The following ANOS1 variants were observed in gnomAD, a reference collection of about 807,000 sequenced individuals.
ANOS1 encodes the protein anosmin 1.
In ANOS1, 6 loss-of-function variants were observed where a neutral mutation model predicts 59.0. The observed-to-expected ratio is 0.10, with a 90% CI of 0.06 to 0.20. The LOEUF (loss-of-function observed/expected upper bound fraction) is 0.20. ANOS1 is among the 10% of genes least tolerant of loss of function. The pLI is 1.00. For synonymous variants in ANOS1, 217 were observed against 223.4 expected (o/e 0.97, Z 0.25); for missense variants, 433 against 542.3 (o/e 0.80, Z 2.00).
chrX:8,670,765 T>C (rs777028236), intron 2 of ANOS1, among the ~76,000 whole-genome samples: 4 of 111,680 alleles, frequency 3.6e-5, no homozygotes, highest in African/African-American at 1.3e-4. Context: ...CTTAAACTTA[T>C]TATGCCCAAA....
intron 3 of ANOS1, among the ~76,000 whole-genome samples, chrX:8,619,339 C>T (rs1011087711): frequency 2.7e-5 from 3 of 111,728 alleles, no homozygotes; most frequent in African/African-American, 9.8e-5. Flanking sequence ...GGCAAGGTGG[C>T]TCACGCCTGT....
At chrX:8,725,567 TATAC>T (rs1170363445) in intron 1 of ANOS1, among the ~76,000 whole-genome samples, 1 of 70,845 alleles carries the variant, frequency 1.4e-5, no homozygotes, top group African/African-American at 5.5e-5. Context: ...TATATACAGA[TATAC>T]ATATATACAG....
intron 9 of ANOS1, among the ~76,000 whole-genome samples, chrX:8,545,834 T>C (rs1929764665): frequency 8.9e-6 from 1 of 112,382 alleles, no homozygotes; most frequent in Non-Finnish European, 1.9e-5. Flanking sequence ...CTGTTTATGA[T>C]TGAGTTTTGA....
intron 4 of ANOS1, among the ~76,000 whole-genome samples, chrX:8,593,232 T>C (rs1328969077): frequency 9.0e-6 from 1 of 111,622 alleles, no homozygotes; most frequent in African/African-American, 3.3e-5. Flanking sequence ...TACTGGACCA[T>C]GTGGGGGGTT....
chrX:8,610,398 G>T (rs924926628), intron 3 of ANOS1, among the ~76,000 whole-genome samples: 1 of 111,882 alleles, frequency 8.9e-6, no homozygotes, highest in Non-Finnish European at 1.9e-5. Context: ...AATCCACAGT[G>T]CAAGGAAGGC....
intron 4 of ANOS1, among the ~76,000 whole-genome samples, chrX:8,589,542 T>C (rs1930579692): frequency 8.9e-6 from 1 of 112,277 alleles, no homozygotes; most frequent in South Asian, 3.7e-4. Context: ...GAGATGGTTT[T>C]GATAGATATG....
intron 8 of ANOS1, among the ~76,000 whole-genome samples, chrX:8,560,395 G>A (rs1402124107): frequency 8.9e-6 from 1 of 112,124 alleles, no homozygotes; most frequent in African/African-American, 3.2e-5. Context: ...TAAATGGCCA[G>A]ATAGTAAATA....
chrX:8,675,709 T>G (rs753819414), intron 2 of ANOS1, among the ~76,000 whole-genome samples: 1 of 110,282 alleles, frequency 9.1e-6, no homozygotes, highest in East Asian at 2.8e-4. Context: ...GTTTTTATTT[T>G]TATTCTAAGT....
At chrX:8,543,225 C>T (rs1929714976) in intron 9 of ANOS1, among the ~76,000 whole-genome samples, 1 of 110,117 alleles carries the variant, frequency 9.1e-6, no homozygotes, top group Non-Finnish European at 1.9e-5. Context: ...AAAATAATTC[C>T]TTATAATCTA....
intron 1 of ANOS1, among the ~76,000 whole-genome samples, chrX:8,726,226 C>G (rs773293329): frequency 9.0e-6 from 1 of 111,347 alleles, no homozygotes; most frequent in Admixed American, 9.6e-5. Flanking sequence ...GGCTGGCCCT[C>G]TAAGTGGAAT....
At chrX:8,644,841 G>A (rs1180953646) in intron 2 of ANOS1, among the ~76,000 whole-genome samples, 2 of 112,628 alleles carry the variant, frequency 1.8e-5, no homozygotes, top group Non-Finnish European at 3.7e-5. Flanking sequence ...TGACCTGGAA[G>A]CCCTCTGCTT....
intron 9 of ANOS1, among the ~76,000 whole-genome samples, chrX:8,550,985 T>C (rs1456141490): frequency 2.7e-5 from 3 of 111,456 alleles, no homozygotes; most frequent in Non-Finnish European, 3.8e-5. Context: ...GTTCTCATGA[T>C]AGTGAGTAAG....
intron 8 of ANOS1, among the ~76,000 whole-genome samples, chrX:8,555,610 A>G (rs2146798124): frequency 8.9e-6 from 1 of 112,276 alleles, no homozygotes; most frequent in African/African-American, 3.2e-5. Context: ...ACCTCTATGC[A>G]AATAAACTAG....
rs753934357 is a variant in ANOS1, at chrX:8,658,753, G to T, written c.256-35083C>A. 2.7e-5 allele frequency among the ~76,000 whole-genome samples: 3 copies of T among 111,662 alleles called. No homozygotes were observed. In the East Asian group the frequency reaches 8.4e-4, roughly 31 times the overall value. On this transcript the variant is annotated intron_variant, in intron 2 of 13. Coordinates refer to ENST00000262648, the MANE Select transcript of ANOS1 (RefSeq NM_000216.4). Reference sequence around the variant, plus strand: ...TACCTCTTCTGCTCTCACTTTGCAGGTAAAGAGGCATGCACCAGAATGCTG... The same window carrying T: ...TACCTCTTCTGCTCTCACTTTGCAGTTAAAGAGGCATGCACCAGAATGCTG...
intron 2 of ANOS1, among the ~76,000 whole-genome samples, chrX:8,688,791 G>T (rs1379118530): frequency 2.7e-5 from 3 of 112,145 alleles, no homozygotes; most frequent in African/African-American, 9.7e-5. Context: ...AGGAAGCTTT[G>T]CATGTTCTTT....
chrX:8,672,157 CATGCACAT>C (rs1348389821), intron 2 of ANOS1, among the ~76,000 whole-genome samples: 11 of 108,426 alleles, frequency 1.0e-4, no homozygotes, highest in African/African-American at 3.9e-4. Flanking sequence ...CATATACACA[CATGCACAT>C]ACACACACAC....
chrX:8,730,259 C>T (rs757493591), intron 1 of ANOS1, among the ~76,000 whole-genome samples: 3 of 112,385 alleles, frequency 2.7e-5, no homozygotes, highest in Non-Finnish European at 5.6e-5. Context: ...GGGTAGGACT[C>T]GGAGGGCTGG....
rs1163108965 is a variant in ANOS1 at position 8,732,031 on chromosome X, C to T, written c.6G>A (p.Val2=). 5 of 986,677 alleles carry T rather than the reference C, an allele frequency of 5.1e-6. No homozygotes were observed. Among genetic ancestry groups the T allele is most frequent in the Non-Finnish European group, 6.4e-6 (5 of 785,070 alleles). 81.3% of individuals were successfully genotyped at this position (986,677 alleles called of 1,213,427 possible). The change falls in exon 1 of 14, where the codon GTG becomes GTA. Residue 2 remains valine (V), a synonymous_variant. Coordinates refer to ENST00000262648, the MANE Select transcript of ANOS1 (RefSeq NM_000216.4). M[V]PGVPGAVLTL... ...TCAGGACCGCGCCGGGCACCCCGGGCACCATGGCTGCGGGTCGAGGGCGAG... is the reference window on the plus strand; with the variant it reads ...TCAGGACCGCGCCGGGCACCCCGGGTACCATGGCTGCGGGTCGAGGGCGAG...
chrX:8,586,159 T>C (rs1302167361), intron 5 of ANOS1, among the ~76,000 whole-genome samples: 2 of 109,959 alleles, frequency 1.8e-5, no homozygotes, highest in Non-Finnish European at 3.8e-5. Flanking sequence ...CTACAGTCTA[T>C]GCCCTCATCT....
Sources: gnomAD v4.1 joint callset for allele counts (sites outside exome capture counted in the v4.1 genomes callset) on GRCh38, gnomAD v4.1.1 for gene constraint, MANE v1.5 for transcripts, NCBI Gene and HGNC (gene_info 2026-07-23, HGNC 2026-07-21) for gene names.